The following SLC24A3 variants were observed in gnomAD, a reference collection of about 807,000 sequenced individuals.
The protein encoded by SLC24A3 is solute carrier family 24 member 3, also known as sodium/potassium/calcium exchanger 3.
SLC24A3 carries 28 observed loss-of-function variants against 75.8 expected under a neutral mutation model. The ratio of observed to expected loss-of-function variants is 0.37; its 90% CI spans 0.27 to 0.51. The LOEUF (loss-of-function observed/expected upper bound fraction) is 0.51. Among genes scored for constraint, SLC24A3 ranks in the 20% least tolerant of loss-of-function variants. The pLI, the probability that SLC24A3 is intolerant of heterozygous loss-of-function variation, is 0.94. For missense variants in SLC24A3, 663 were observed against 847.8 expected, an observed-to-expected ratio of 0.78 and a Z score of 2.71; for synonymous variants, 372 against 334.1, an observed-to-expected ratio of 1.11 and a Z score of -1.24.
At chr20:19,442,303 C>A (rs1987310421) in intron 2 of SLC24A3, among the ~76,000 whole-genome samples, 1 of 152,184 alleles carries the variant, frequency 6.6e-6, no homozygotes, top group Non-Finnish European at 1.5e-5. Context: ...TCCAATATGG[C>A]TGTACCATTT....
chr20:19,554,980 G>T (rs1418183834), intron 3 of SLC24A3, among the ~76,000 whole-genome samples: 1 of 152,136 alleles, frequency 6.6e-6, no homozygotes, highest in Non-Finnish European at 1.5e-5. Flanking sequence ...GTCCAGTTTT[G>T]CTAACAGCTG....
intron 3 of SLC24A3, among the ~76,000 whole-genome samples, chr20:19,573,443 C>T (rs1239287517): frequency 1.3e-5 from 2 of 152,254 alleles, no homozygotes; most frequent in Non-Finnish European, 2.9e-5. Context: ...CTTCTCCTTG[C>T]ACTACCTCTA....
intron 2 of SLC24A3, among the ~76,000 whole-genome samples, chr20:19,496,149 T>C (rs531444194): frequency 3.3e-5 from 5 of 152,306 alleles, no homozygotes; most frequent in South Asian, 2.1e-4. Context: ...CACGGGTGGT[T>C]GTTTCTGTGG....
chr20:19,404,219 G>A (rs1391086548), intron 2 of SLC24A3, among the ~76,000 whole-genome samples: 1 of 152,202 alleles, frequency 6.6e-6, no homozygotes, highest in Admixed American at 6.5e-5. Flanking sequence ...TCTCCTGGGA[G>A]CTGGGAATAT....
At chr20:19,513,112 A>G (rs780336917) in intron 2 of SLC24A3, among the ~76,000 whole-genome samples, 32 of 147,090 alleles carry the variant, frequency 2.2e-4, no homozygotes, top group Admixed American at 3.3e-4. Flanking sequence ...AAATGCAAAG[A>G]AAAAAAAAAG....
intron 7 of SLC24A3, among the ~76,000 whole-genome samples, chr20:19,662,001 G>A (rs1425876827): frequency 6.6e-6 from 1 of 152,206 alleles, no homozygotes; most frequent in East Asian, 1.9e-4. Flanking sequence ...CTGAAGCCTG[G>A]AGGAAATGAG....
chr20:19,216,670 C>T (rs1981567647), intron 1 of SLC24A3, among the ~76,000 whole-genome samples: 1 of 145,172 alleles, frequency 6.9e-6, no homozygotes, highest in Admixed American at 6.8e-5. Context: ...CATATACACA[C>T]ACATATGTAC....
chr20:19,275,852 C>T (rs1386682940), intron 1 of SLC24A3, among the ~76,000 whole-genome samples: 1 of 152,260 alleles, frequency 6.6e-6, no homozygotes, highest in South Asian at 2.1e-4. Context: ...AGCCTGCAGT[C>T]CTGCAGACTG....
chr20:19,218,473 A>G (rs1440237776), intron 1 of SLC24A3, among the ~76,000 whole-genome samples: 1 of 152,208 alleles, frequency 6.6e-6, no homozygotes, highest in Non-Finnish European at 1.5e-5. Flanking sequence ...GAAGACGGGG[A>G]ATCACCCTGC....
intron 2 of SLC24A3, among the ~76,000 whole-genome samples, chr20:19,346,314 A>G (rs185744662): frequency 3.8e-5 from 4 of 106,012 alleles, no homozygotes; most frequent in Admixed American, 1.1e-4. Context: ...ATATATATAT[A>G]TGGTATATAT....
intron 6 of SLC24A3, among the ~76,000 whole-genome samples, chr20:19,618,082 T>G (rs2031759640): frequency 2.0e-5 from 3 of 151,708 alleles, no homozygotes. Flanking sequence ...AGGAAAGGAG[T>G]GTCAGCCTGT....
intron 2 of SLC24A3, among the ~76,000 whole-genome samples, chr20:19,364,831 G>A (rs1264901277): frequency 6.6e-6 from 1 of 152,092 alleles, no homozygotes; most frequent in Non-Finnish European, 1.5e-5. Context: ...CAGACCTCAG[G>A]TTTTCTCTGG....
At chr20:19,656,241 A>G (rs886779284) in intron 7 of SLC24A3, among the ~76,000 whole-genome samples, 10 of 152,184 alleles carry the variant, frequency 6.6e-5, no homozygotes, top group Non-Finnish European at 1.0e-4. Context: ...CAGCAAGTCA[A>G]TATTCCTTTA....
Position 19,686,009 on chromosome 20 carries a change from C to T in SLC24A3, c.1324+648C>T, listed in dbSNP as rs188921982. ...GCTCAGGGAAGACAAATGTAAGTTT[C>T]GCAAGTTTTAAAGCTGAGAGAGAGT... On this transcript the variant is annotated intron_variant, in intron 12 of 16. Coordinates refer to ENST00000328041, the MANE Select transcript of SLC24A3 (RefSeq NM_020689.4). Among the ~76,000 whole-genome samples the T allele has an allele frequency of 3.9e-3, 599 of 152,238 alleles. 5 individuals carry two copies. The highest frequency in any genetic ancestry group is 0.022 in the South Asian group (105 of 4,816).
chr20:19,272,012 C>T (rs144285752), intron 1 of SLC24A3, among the ~76,000 whole-genome samples: 27 of 152,326 alleles, frequency 1.8e-4, no homozygotes, highest in South Asian at 4.1e-4. Context: ...TTGGCAGATA[C>T]GGGAGAAAGC....
intron 2 of SLC24A3, among the ~76,000 whole-genome samples, chr20:19,299,861 G>T (rs1291276792): frequency 6.6e-6 from 1 of 152,218 alleles, no homozygotes; most frequent in African/African-American, 2.4e-5. Flanking sequence ...TCTACCTTGT[G>T]TGAAATGGAA....
chr20:19,386,614 T>C (rs1283358720), intron 2 of SLC24A3, among the ~76,000 whole-genome samples: 1 of 152,226 alleles, frequency 6.6e-6, no homozygotes, highest in East Asian at 1.9e-4. Context: ...CTGGGAGTTT[T>C]TATTATGAAA....
chr20:19,653,777 C>T (rs1289067368), intron 6 of SLC24A3, among the ~76,000 whole-genome samples: 5 of 152,190 alleles, frequency 3.3e-5, no homozygotes, highest in Admixed American at 2.6e-4. Flanking sequence ...GGGTCAGACC[C>T]GCATCACAGT....
In SLC24A3 at chr20:19,717,511, C is replaced by T. The variant is rs1200312645; in HGVS notation, c.1720-17C>T. 2 of 1,613,802 alleles carry T rather than the reference C, an allele frequency of 1.2e-6. No individual in the cohort carries two copies. The highest frequency in any genetic ancestry group is 2.2e-5 in the South Asian group (2 of 91,028). On this transcript the variant is annotated splice_polypyrimidine_tract_variant and intron_variant, in intron 15 of 16. Transcript: ENST00000328041. ...AGCCTAGCTTGTCAGAAGCCTAACT[C>T]TAACCCTCTCTTACAGATCCGGCTG...
Sources: gnomAD v4.1 joint callset for allele counts (sites outside exome capture counted in the v4.1 genomes callset) on GRCh38, gnomAD v4.1.1 for gene constraint, MANE v1.5 for transcripts, NCBI Gene and HGNC (gene_info 2026-07-23, HGNC 2026-07-21) for gene names.